The following TNFRSF19 variants were observed in gnomAD, a reference collection of about 807,000 sequenced individuals.
TNFRSF19 encodes TNF receptor superfamily member 19.
TNFRSF19 carries 27 observed loss-of-function variants against 46.4 expected under a neutral mutation model. That is an observed-to-expected ratio of 0.58 (90% CI 0.43 to 0.80). TNFRSF19 has a LOEUF of 0.80. Ranked by LOEUF, TNFRSF19 falls within the 30% of genes least tolerant of loss-of-function variation. The probability of loss-of-function intolerance (pLI) is 0.00; values close to 1 mark genes in which losing one functional copy is unlikely to be tolerated. For synonymous variants in TNFRSF19, 204 were observed against 205.0 expected (o/e 1.00, Z 0.04); for missense variants, 511 against 530.8 (o/e 0.96, Z 0.37).
chr13:23,589,718 G>C (rs1879115885), intron 1 of TNFRSF19, among the ~76,000 whole-genome samples: 1 of 152,190 alleles, frequency 6.6e-6, no homozygotes. Flanking sequence ...GAGTTAGCAT[G>C]CTGAAAATAG....
intron 3 of TNFRSF19, among the ~76,000 whole-genome samples, chr13:23,609,340 G>A (rs1258846625): frequency 6.6e-6 from 1 of 152,148 alleles, no homozygotes; most frequent in Non-Finnish European, 1.5e-5. Flanking sequence ...AATATGGTGA[G>A]GGTTACTCGG....
At chr13:23,598,943 G>T (rs1879927855) in intron 3 of TNFRSF19, among the ~76,000 whole-genome samples, 1 of 152,206 alleles carries the variant, frequency 6.6e-6, no homozygotes, top group Non-Finnish European at 1.5e-5. Context: ...CTACAGTTGA[G>T]TCTTGTCATT....
intron 4 of TNFRSF19, among the ~76,000 whole-genome samples, chr13:23,626,101 T>G (rs67752985): frequency 0.2 from 30,801 of 152,012 alleles, 3,759 homozygotes; most frequent in East Asian, 0.3. Flanking sequence ...CCATAATTAG[T>G]ACAATTTTTC....
intron 8 of TNFRSF19, 38 bp downstream of exon 8, chr13:23,668,120 CT>C: frequency 6.6e-7 from 1 of 1,520,764 alleles, no homozygotes; most frequent in African/African-American, 1.4e-5. Flanking sequence ...TCATAACCCC[CT>C]GTGCAAATAT....
intron 1 of TNFRSF19, among the ~76,000 whole-genome samples, chr13:23,585,118 T>G (rs1878729041): frequency 6.6e-6 from 1 of 152,252 alleles, no homozygotes; most frequent in South Asian, 2.1e-4. Context: ...AACTGCCAGT[T>G]GAATATCAAC....
At position 23,615,879 on chromosome 13, in the gene TNFRSF19, G is replaced by C. The variant is rs747790269; in HGVS notation, c.193G>C (p.Gly65Arg). ...TTAATCCCCACAGGAATGTGGCTTC[G>C]GCTATGGGGAGGATGCACAGTGTGT... Reference protein sequence around the residue: ...GMELSKECGFGYGEDAQCVTC... With the variant: ...GMELSKECGFRYGEDAQCVTC... Residue 65 changes from glycine (G) to arginine (R), a missense_variant, in exon 4 of 10, where the codon GGC becomes CGC. By Grantham distance (125) the Gly-to-Arg change is moderately radical. This residue lies in a region of TNFRSF19 where 121 missense variants were observed against 124.1 expected (regional missense o/e 0.98). Coordinates refer to ENST00000248484, the MANE Select transcript of TNFRSF19 (RefSeq NM_148957.4). The C allele has an allele frequency of 6.2e-7, 1 of 1,602,440 alleles. No individual in the cohort carries two copies. The highest frequency in any genetic ancestry group is 2.2e-5 in the East Asian group (1 of 44,558).
Position 23,660,469 on chromosome 13 carries a change from C to G in TNFRSF19, c.715C>G (p.Arg239Gly). The G allele has an allele frequency of 6.2e-7, 1 of 1,613,308 alleles. No homozygotes were observed. Among genetic ancestry groups the G allele is most frequent in the Non-Finnish European group, 8.5e-7 (1 of 1,179,964 alleles). ...YAHRACCQCR[R>G]DSVQTCGPVR... ...CCACAGAGCCTGCTGCCAGTGCCGC[C>G]GTGACTCAGTGCAGACCTGCGGTAA... is the stretch of plus-strand genomic sequence containing the variant. Residue 239 changes from arginine to glycine, a missense_variant, in exon 7 of 10, where the codon CGT becomes GGT. By Grantham distance (125) the Arg-to-Gly change is moderately radical. This residue lies in a region of TNFRSF19 where 376 missense variants were observed against 372.7 expected (regional missense o/e 1.01). Transcript: ENST00000248484.
At chr13:23,671,818 G>T (rs545598920) in intron 9 of TNFRSF19, among the ~76,000 whole-genome samples, 2 of 152,232 alleles carry the variant, frequency 1.3e-5, no homozygotes, top group South Asian at 4.1e-4. Flanking sequence ...GGATCACGCC[G>T]CTGCACTCCA....
At chr13:23,646,324 C>T (rs934450000) in intron 5 of TNFRSF19, among the ~76,000 whole-genome samples, 2 of 152,110 alleles carry the variant, frequency 1.3e-5, no homozygotes, top group Non-Finnish European at 2.9e-5. Context: ...TTTAAGTATA[C>T]AAGTCAGTGA....
At chr13:23,626,465 C>T (rs1882018793) in intron 4 of TNFRSF19, among the ~76,000 whole-genome samples, 1 of 151,794 alleles carries the variant, frequency 6.6e-6, no homozygotes, top group Admixed American at 6.6e-5. Flanking sequence ...CCCACCTGCA[C>T]CCCCACCCCA....
Position 23,599,874 on chromosome 13 carries a change from TG to T in TNFRSF19, c.180+6421del, listed in dbSNP as rs1210879008. ...CTGAACTAGTTTTTCAGGTTAACTT[TG>T]GAATGTCCTTGGCCAAGAGGGGGGG... On this transcript the variant is annotated intron_variant, in intron 3 of 9. Transcript: ENST00000248484. 6.0e-5 allele frequency among the ~76,000 whole-genome samples: 9 copies of T among 150,894 alleles called. No individual in the cohort carries two copies. The South Asian group carries it at 1.9e-3, about 33-fold the overall frequency.
chr13:23,591,704 C>T (rs930537450), intron 2 of TNFRSF19, among the ~76,000 whole-genome samples: 2 of 119,276 alleles, frequency 1.7e-5, no homozygotes, highest in African/African-American at 3.7e-5. Context: ...TCTTTATAGC[C>T]TTAAAAATTT....
intron 5 of TNFRSF19, among the ~76,000 whole-genome samples, chr13:23,631,603 T>C (rs1206533941): frequency 6.6e-6 from 1 of 152,232 alleles, no homozygotes; most frequent in African/African-American, 2.4e-5. Flanking sequence ...TTTTGTCTCT[T>C]GACATTCAGT....
intron 3 of TNFRSF19, among the ~76,000 whole-genome samples, chr13:23,607,805 T>A (rs1406418453): frequency 3.3e-5 from 5 of 152,216 alleles, no homozygotes; most frequent in South Asian, 2.1e-4. Flanking sequence ...GCACTCTGGG[T>A]CATGAGGTTC....
At chr13:23,610,302 T>C (rs1044624250) in intron 3 of TNFRSF19, among the ~76,000 whole-genome samples, 1 of 152,220 alleles carries the variant, frequency 6.6e-6, no homozygotes, top group African/African-American at 2.4e-5. Context: ...AGGCTGGATT[T>C]GCAGAAGGAG....
chr13:23,639,972 C>T (rs866730579), intron 5 of TNFRSF19, among the ~76,000 whole-genome samples: 1 of 152,126 alleles, frequency 6.6e-6, no homozygotes, highest in South Asian at 2.1e-4. Flanking sequence ...CTGACATGAG[C>T]GCAATACTCT....
rs1156234112 is a variant in TNFRSF19 at position 23,669,032 on chromosome 13, A to G, written c.1180A>G (p.Met394Val). ...ESASTQDALT[M>V]RSQLDQESGA... ...AGCATCAACTCAGGATGCACTAACTATGAGAAGCCAGCTAGATCAGGAGAG... is the reference window on the plus strand; with the variant it reads ...AGCATCAACTCAGGATGCACTAACTGTGAGAAGCCAGCTAGATCAGGAGAG... The change falls in exon 9 of 10, where the codon ATG becomes GTG. Residue 394 changes from methionine to valine, a missense_variant. Physicochemically the swap from Met to Val is conservative, Grantham distance 21. Transcript: ENST00000248484. 10 of 1,614,214 alleles carry G rather than the reference A, an allele frequency of 6.2e-6. No individual in the cohort carries two copies. The highest frequency in any genetic ancestry group is 1.7e-5 in the Admixed American group (1 of 60,026).
chr13:23,615,890 G>T lies in TNFRSF19; in HGVS notation c.204G>T (p.Glu68Asp). The T allele has an allele frequency of 6.2e-7, 1 of 1,611,196 alleles. No individual in the cohort carries two copies. The change falls in exon 4 of 10, where the codon GAG (glutamate) becomes GAT (aspartate). Residue 68 changes from glutamate (E) to aspartate (D), a missense_variant. Glu to Asp is a conservative substitution (Grantham distance 45). This residue lies in a region of TNFRSF19 where 121 missense variants were observed against 124.1 expected (regional missense o/e 0.98). Transcript: ENST00000248484. Reference sequence around the variant, plus strand: ...AGGAATGTGGCTTCGGCTATGGGGAGGATGCACAGTGTGTGACGTGCCGGC... The same window carrying T: ...AGGAATGTGGCTTCGGCTATGGGGATGATGCACAGTGTGTGACGTGCCGGC... ...LSKECGFGYG[E>D]DAQCVTCRLH...
chr13:23,609,741 T>C (rs557288914), intron 3 of TNFRSF19, among the ~76,000 whole-genome samples: 11 of 152,232 alleles, frequency 7.2e-5, no homozygotes, highest in Non-Finnish European at 1.5e-4. Flanking sequence ...GTTTACATTT[T>C]TGAAAACTGT....
Sources: gnomAD v4.1 joint callset for allele counts (sites outside exome capture counted in the v4.1 genomes callset) on GRCh38, gnomAD v4.1.1 for gene constraint, gnomAD v4.1.1 regional missense constraint, MANE v1.5 for transcripts, NCBI Gene and HGNC (gene_info 2026-07-23, HGNC 2026-07-21) for gene names.